Variants in PDHX observed in about 807,000 individuals in gnomAD.
The protein encoded by PDHX is pyruvate dehydrogenase complex component X, also known as pyruvate dehydrogenase protein X component, mitochondrial.
In PDHX, 33 loss-of-function variants were observed where a neutral mutation model predicts 55.3. The observed-to-expected ratio is 0.60, with a 90% confidence interval of 0.45 to 0.80. The LOEUF (loss-of-function observed/expected upper bound fraction) is 0.80, where lower values mean the gene tolerates loss of function less well. Among genes scored for constraint, PDHX ranks in the 30% least tolerant of loss-of-function variants. The pLI, the probability that PDHX is intolerant of heterozygous loss-of-function variation, is 0.00. For missense variants in PDHX, 622 were observed against 619.9 expected, an observed-to-expected ratio of 1.00 and a Z score of -0.04; for synonymous variants, 226 against 219.4, an observed-to-expected ratio of 1.03 and a Z score of -0.27.
intron 3 of PDHX, among the ~76,000 whole-genome samples, chr11:34,956,100 G>A (rs554096084): frequency 6.6e-6 from 1 of 152,090 alleles, no homozygotes; most frequent in Admixed American, 6.5e-5. Flanking sequence ...AAATTTTTTA[G>A]TATGTGGCAA....
chr11:34,983,455 A>T (rs1361779078), intron 8 of PDHX, among the ~76,000 whole-genome samples: 1 of 152,230 alleles, frequency 6.6e-6, no homozygotes, highest in Non-Finnish European at 1.5e-5. Flanking sequence ...AATAAAGGGT[A>T]TTCAATTAGG....
In PDHX at chr11:34,960,418, A is replaced by G; in HGVS notation, c.543-2A>G. ...CTATTAACCTTCATATTTTTTTCTT[A>G]GGTTCCGTTTAAGTCCAGCTGCCCG... is the stretch of plus-strand genomic sequence containing the variant. On this transcript the variant is annotated splice_acceptor_variant, in intron 4 of 10. Coordinates refer to ENST00000227868, the MANE Select transcript of PDHX (RefSeq NM_003477.3). LOFTEE classifies it high-confidence loss of function. 6.2e-7 allele frequency: 1 copy of G among 1,606,698 alleles called. No homozygotes were observed. Among genetic ancestry groups the G allele is most frequent in the Non-Finnish European group, 8.5e-7 (1 of 1,173,666 alleles).
intron 7 of PDHX, among the ~76,000 whole-genome samples, chr11:34,971,266 A>C (rs1206133126): frequency 6.6e-6 from 1 of 152,026 alleles, no homozygotes; most frequent in Non-Finnish European, 1.5e-5. Flanking sequence ...TGATAGTTTT[A>C]TTTCTTTATT....
intron 1 of PDHX, among the ~76,000 whole-genome samples, chr11:34,928,922 T>G (rs556931811): frequency 1.3e-5 from 2 of 152,350 alleles, no homozygotes; most frequent in South Asian, 4.1e-4. Context: ...AATATTTTAA[T>G]CACAAGGACT....
rs1389064909 is a variant in PDHX at position 34,994,900 on chromosome 11, T to G, written c.1248-14T>G. ...AGGACATGCCTCCTTCAGAGCTTTTTCTTTTCCCCCTAGTATTTCCAACTT... is the reference window on the plus strand; with the variant it reads ...AGGACATGCCTCCTTCAGAGCTTTTGCTTTTCCCCCTAGTATTTCCAACTT... On this transcript the variant is annotated splice_polypyrimidine_tract_variant and intron_variant, in intron 10 of 10. Coordinates refer to ENST00000227868, the MANE Select transcript of PDHX (RefSeq NM_003477.3). 4 of 1,613,704 alleles carry G rather than the reference T, an allele frequency of 2.5e-6. No homozygotes were observed. Among genetic ancestry groups the G allele is most frequent in the Non-Finnish European group, 3.4e-6 (4 of 1,179,814 alleles).
chr11:34,980,544 G>T (rs1343311109), intron 8 of PDHX, among the ~76,000 whole-genome samples: 2 of 151,450 alleles, frequency 1.3e-5, no homozygotes, highest in Admixed American at 6.6e-5. Context: ...ATTCATGAGG[G>T]TTTTGTTTAG....
chr11:34,969,360 T>TC (rs1855205930), intron 6 of PDHX, among the ~76,000 whole-genome samples: 1 of 151,446 alleles, frequency 6.6e-6, no homozygotes, highest in Non-Finnish European at 1.5e-5. Flanking sequence ...TTTTTTTTTT[T>TC]CCCGAAACAA....
chr11:34,967,265 A>G (rs545316884), intron 6 of PDHX, among the ~76,000 whole-genome samples: 19 of 152,344 alleles, frequency 1.2e-4, no homozygotes, highest in Non-Finnish European at 2.6e-4. Context: ...AATAGTAGCT[A>G]AGTGATAAGG....
chr11:34,928,554 T>C (rs1854081122), intron 1 of PDHX, among the ~76,000 whole-genome samples: 1 of 152,010 alleles, frequency 6.6e-6, no homozygotes, highest in African/African-American at 2.4e-5. Context: ...AGTACATTCT[T>C]TAAGCAACTG....
chr11:34,974,706 G>A (rs901606749), intron 7 of PDHX, among the ~76,000 whole-genome samples: 1 of 152,076 alleles, frequency 6.6e-6, no homozygotes, highest in Non-Finnish European at 1.5e-5. Flanking sequence ...ACAGGGGTTC[G>A]AGACCTGCCT....
chr11:34,980,599 C>G lies in PDHX; in HGVS notation c.1023+2417C>G, dbSNP rs372697771. ...TTGTCTATGAAGAATTTCAAATCTT[C>G]TGAGGGTTTGGGACTTTATTCTTTT... On this transcript the variant is annotated intron_variant, in intron 8 of 10. Transcript: ENST00000227868. Among the ~76,000 whole-genome samples, 928 of 151,868 alleles carry G rather than the reference C, an allele frequency of 6.1e-3. 5 individuals carry two copies. The highest frequency in any genetic ancestry group is 0.021 in the African/African-American group (880 of 41,408).
intron 2 of PDHX, among the ~76,000 whole-genome samples, chr11:34,940,701 G>A (rs902918555): frequency 6.6e-6 from 1 of 152,178 alleles, no homozygotes; most frequent in Non-Finnish European, 1.5e-5. Flanking sequence ...CCTGCTGCCT[G>A]ATTGCAGTCA....
chr11:34,929,650 G>C (rs146973836), intron 1 of PDHX, among the ~76,000 whole-genome samples: 2 of 152,198 alleles, frequency 1.3e-5, no homozygotes, highest in African/African-American at 4.8e-5. Context: ...ATTAATTGAT[G>C]ATCCATATTT....
At position 34,930,834 on chromosome 11, in the gene PDHX, T is replaced by G. The variant is rs796678837; in HGVS notation, c.161-570T>G. Among the ~76,000 whole-genome samples the G allele has an allele frequency of 2.6e-5, 4 of 152,368 alleles. No homozygotes were observed. In the East Asian group the frequency reaches 7.7e-4, roughly 29 times the overall value. ...AATTTAACCATTTAAATTCTGATCA[T>G]CCTTGACAAGGCAAACGTTTCCTTT... On this transcript the variant is annotated intron_variant, in intron 1 of 10. Coordinates refer to ENST00000227868, the MANE Select transcript of PDHX (RefSeq NM_003477.3).
intron 5 of PDHX, among the ~76,000 whole-genome samples, chr11:34,964,933 T>G (rs1344388315): frequency 6.6e-6 from 1 of 152,132 alleles, no homozygotes; most frequent in Non-Finnish European, 1.5e-5. Flanking sequence ...CAATTTAGTG[T>G]CAGCAACCTT....
chr11:34,993,125 A>C (rs1468519342), intron 10 of PDHX, among the ~76,000 whole-genome samples: 1 of 152,170 alleles, frequency 6.6e-6, no homozygotes, highest in Admixed American at 6.5e-5. Context: ...CTGGTAATTC[A>C]TGAGATAAAG....
chr11:34,983,855 T>C (rs1476498409), intron 8 of PDHX, among the ~76,000 whole-genome samples: 2 of 152,166 alleles, frequency 1.3e-5, no homozygotes, highest in Admixed American at 6.5e-5. Flanking sequence ...CTGCCCAAGG[T>C]AATTTATAGA....
chr11:34,952,211 C>T (rs1422798463), intron 3 of PDHX, among the ~76,000 whole-genome samples: 1 of 151,914 alleles, frequency 6.6e-6, no homozygotes, highest in Non-Finnish European at 1.5e-5. Flanking sequence ...GCTTACCAAC[C>T]AAAAAGAGTC....
chr11:34,916,225 T>C (rs1853686823), upstream of PDHX: 1 of 1,610,926 alleles, frequency 6.2e-7, no homozygotes, highest in Admixed American at 1.7e-5. Flanking sequence ...GCCCCGCCCC[T>C]ACCTGCGCGC....
Sources: gnomAD v4.1 joint callset for allele counts (sites outside exome capture counted in the v4.1 genomes callset) on GRCh38, gnomAD v4.1.1 for gene constraint, MANE v1.5 for transcripts, NCBI Gene and HGNC (gene_info 2026-07-23, HGNC 2026-07-21) for gene names.